The following CLSTN3 variants were observed in gnomAD, a reference collection of about 807,000 sequenced individuals.
The protein encoded by CLSTN3 is calsyntenin 3.
A neutral mutation model predicts 95.9 loss-of-function variants in CLSTN3; 36 were observed. The ratio of observed to expected loss-of-function variants is 0.38; its 90% CI spans 0.29 to 0.50. The LOEUF is 0.50. CLSTN3 is among the 20% of genes least tolerant of loss of function. The pLI is 0.95. For missense variants in CLSTN3, 1,084 were observed against 1,268.8 expected (o/e 0.85, Z 2.21); for synonymous variants, 481 against 504.0 (o/e 0.95, Z 0.61).
chr12:7,140,022 G>T (rs955640930), intron 8 of CLSTN3, among the ~76,000 whole-genome samples: 2 of 152,140 alleles, frequency 1.3e-5, no homozygotes, highest in Non-Finnish European at 2.9e-5. Flanking sequence ...CAGTAAACAG[G>T]ACTGTTGCAA....
Position 7,143,279 on chromosome 12 carries a change from C to A in CLSTN3, c.1815C>A (p.Gly605=), listed in dbSNP as rs61729870. Residue 605 remains glycine (G), a synonymous_variant, in exon 12 of 18, where the codon GGC becomes GGA. Transcript: ENST00000266546. ...YMNTLRFATP[G]VRPLRLTTAV... ...ACACTCTGCGCTTTGCCACGCCCGG[C>A]GTCAGGCCCCTGCGCCTCACCACTG... The A allele has an allele frequency of 1.2e-6, 2 of 1,611,828 alleles. No homozygotes were observed. Among genetic ancestry groups the A allele is most frequent in the Non-Finnish European group, 1.7e-6 (2 of 1,179,996 alleles).
chr12:7,136,306 G>A lies in CLSTN3; in HGVS notation c.843G>A (p.Gln281=). 1.2e-6 allele frequency: 2 copies of A among 1,614,178 alleles called. No homozygotes were observed. The highest frequency in any genetic ancestry group is 1.7e-6 in the Non-Finnish European group (2 of 1,180,036). ...ETCDEPLWNI[Q]ATIELQTSHV... ...GTGATGAACCACTCTGGAACATTCA[G>A]GCCACCATAGAGCTGCAGACCAGCC... Residue 281 remains glutamine, a synonymous_variant, in exon 6 of 18, where the codon CAG becomes CAA. Coordinates refer to ENST00000266546, the MANE Select transcript of CLSTN3 (RefSeq NM_014718.4).
At position 7,150,795 on chromosome 12, in the gene CLSTN3, A is replaced by AG; in HGVS notation, c.2391+109dup. 1 of 1,557,774 alleles carries AG rather than the reference A, an allele frequency of 6.4e-7. No homozygotes were observed. The highest frequency in any genetic ancestry group is 1.3e-5 in the African/African-American group (1 of 74,194). On this transcript the variant is annotated intron_variant, in intron 15 of 17. Coordinates refer to ENST00000266546, the MANE Select transcript of CLSTN3 (RefSeq NM_014718.4). The surrounding 1 kb of genome is among the most constrained non-coding windows in gnomAD (Gnocchi z 4.0). ...GGTGGGCATGGACATGGCAGCGTGGAGGGCTGCTGGACCTTGCAGTGGGTG... is the reference window on the plus strand; with the variant it reads ...GGTGGGCATGGACATGGCAGCGTGGAGGGGCTGCTGGACCTTGCAGTGGGTG...
chr12:7,140,194 G>T (rs1939502974), intron 8 of CLSTN3, among the ~76,000 whole-genome samples: 1 of 152,170 alleles, frequency 6.6e-6, no homozygotes, highest in Non-Finnish European at 1.5e-5. Context: ...GATCAAAGTT[G>T]TCTCCTACGT....
intron 4 of CLSTN3, 121 bp from the exon 5 acceptor site, chr12:7,135,683 C>CT (rs1215748377): frequency 3.6e-6 from 5 of 1,402,384 alleles, no homozygotes; most frequent in East Asian, 2.3e-5. Flanking sequence ...TCCCAGATGC[C>CT]TTTTTTCCCA....
intron 12 of CLSTN3, among the ~76,000 whole-genome samples, chr12:7,147,808 GC>G (rs1939647582): frequency 6.6e-6 from 1 of 152,030 alleles, no homozygotes; most frequent in Non-Finnish European, 1.5e-5. Flanking sequence ...GAGCCATCAT[GC>G]CCAGCCTGAG....
chr12:7,133,855 C>T lies in CLSTN3; in HGVS notation c.383+87C>T. On this transcript the variant is annotated intron_variant, in intron 3 of 17. Transcript: ENST00000266546. The surrounding 1 kb of genome is among the most constrained non-coding windows in gnomAD (Gnocchi z 4.7). ...CACCATCCTCTGTCCGTGCGGTCAT[C>T]GAATATCCACCCCCACCCGCTGCTG... 11 of 1,091,634 alleles carry T rather than the reference C, an allele frequency of 1.0e-5. No homozygotes were observed. Among genetic ancestry groups the T allele is most frequent in the Non-Finnish European group, 1.2e-5 (9 of 763,040 alleles). 67.6% of individuals were successfully genotyped at this position (1,091,634 alleles called of 1,614,324 possible). A position where few individuals can be genotyped will look rare whatever the true frequency, so the allele number is the denominator to read the frequency against.
Position 7,157,698 on chromosome 12 carries a change from G to A in CLSTN3, c.2730+7G>A, listed in dbSNP as rs1420423043. On this transcript the variant is annotated splice_region_variant and intron_variant, in intron 17 of 17. Transcript: ENST00000266546. This position sits in a 1 kb window ranked among gnomAD's most constrained non-coding sequence, Gnocchi z 5.9. ...CATTGTGAACCCCATGGAGGTGAGA[G>A]GCCTGGGGAAGCGGGGTTCTGTAGG... 2.6e-6 allele frequency: 4 copies of A among 1,568,428 alleles called. No homozygotes were observed. Among genetic ancestry groups the A allele is most frequent in the Non-Finnish European group, 2.6e-6 (3 of 1,155,764 alleles).
Position 7,158,507 on chromosome 12 carries a change from C to G in CLSTN3, c.*426C>G, listed in dbSNP as rs1465011958. The G allele has an allele frequency of 1.3e-5, 2 of 157,478 alleles. No homozygotes were observed. Among genetic ancestry groups the G allele is most frequent in the Non-Finnish European group, 2.8e-5 (2 of 71,536 alleles). The allele number at this position is 157,478 out of a possible 1,614,324, so 9.8% of individuals were successfully genotyped here. On this transcript the variant is annotated 3_prime_UTR_variant, in exon 18 of 18. Transcript: ENST00000266546. Reference sequence around the variant, plus strand: ...CTCTCCTGTCCATGGGAAGCTTTTCCCCCTCTGCAGGGCTCCCTCAGCTGG... The same window carrying G: ...CTCTCCTGTCCATGGGAAGCTTTTCGCCCTCTGCAGGGCTCCCTCAGCTGG...
Position 7,150,737 on chromosome 12 carries a change from G to A in CLSTN3, c.2391+48G>A. 1 of 1,599,140 alleles carries A rather than the reference G, an allele frequency of 6.3e-7. No individual in the cohort carries two copies. The highest frequency in any genetic ancestry group is 8.6e-7 in the Non-Finnish European group (1 of 1,168,162). On this transcript the variant is annotated intron_variant, in intron 15 of 17. Coordinates refer to ENST00000266546, the MANE Select transcript of CLSTN3 (RefSeq NM_014718.4). This position sits in a 1 kb window ranked among gnomAD's most constrained non-coding sequence, Gnocchi z 4.0. ...TCCACAGTTACCCACCCCCAGAAAG[G>A]AGCTGAGGTGGCATGGACTCAAAAT...
At chr12:7,134,338 G>T (rs139819569) in intron 3 of CLSTN3, among the ~76,000 whole-genome samples, 141 of 152,332 alleles carry the variant, frequency 9.3e-4, no homozygotes, top group African/African-American at 3.2e-3. Flanking sequence ...CAAGAAAGAG[G>T]CTCGGGTCTG....
In CLSTN3 at chr12:7,137,147, A is replaced by G. The variant is rs1174257322; in HGVS notation, c.1210+37A>G. 3 of 1,557,422 alleles carry G rather than the reference A, an allele frequency of 1.9e-6. No homozygotes were observed. The highest frequency in any genetic ancestry group is 2.7e-5 in the African/African-American group (2 of 73,978). ...CTCCAGGCACTAGCCAGAGGGGGAA[A>G]CTGGCTTCTTGTCCCGCCTCTGTCA... On this transcript the variant is annotated intron_variant, in intron 7 of 17. Transcript: ENST00000266546. This position sits in a 1 kb window ranked among gnomAD's most constrained non-coding sequence, Gnocchi z 4.4.
At chr12:7,139,769 T>G (rs1939497104) in intron 8 of CLSTN3, among the ~76,000 whole-genome samples, 1 of 152,044 alleles carries the variant, frequency 6.6e-6, no homozygotes, top group African/African-American at 2.4e-5. Flanking sequence ...CTGCCTCAGC[T>G]TCCCTAGTAG....
chr12:7,129,514 G>T, upstream of CLSTN3: 1 of 668,936 alleles, frequency 1.5e-6, no homozygotes, highest in Non-Finnish European at 1.8e-6. This position sits in a 1 kb window ranked among gnomAD's most constrained non-coding sequence, Gnocchi z 5.5. Context: ...GGAGTTTGTT[G>T]GCTATTCTGG....
intron 16 of CLSTN3, among the ~76,000 whole-genome samples, chr12:7,155,727 A>C (rs1315679539): frequency 1.3e-5 from 2 of 152,240 alleles, no homozygotes; most frequent in Non-Finnish European, 2.9e-5. Context: ...CCTTGGAACC[A>C]GTGTCGAGGG....
At position 7,130,632 on chromosome 12, in the gene CLSTN3, C is replaced by T. The variant is rs1939277962; in HGVS notation, c.-17C>T. 1 of 1,560,698 alleles carries T rather than the reference C, an allele frequency of 6.4e-7. No homozygotes were observed. The highest frequency in any genetic ancestry group is 8.7e-7 in the Non-Finnish European group (1 of 1,152,130). Reference sequence around the variant, plus strand: ...GGGGAGGCAAACGCCTGGCCCTGCCCTGCCCCACGCCGCACCATGACCCTC... The same window carrying T: ...GGGGAGGCAAACGCCTGGCCCTGCCTTGCCCCACGCCGCACCATGACCCTC... On this transcript the variant is annotated 5_prime_UTR_variant, in exon 1 of 18. Transcript: ENST00000266546.
chr12:7,133,794 C>G lies in CLSTN3; in HGVS notation c.383+26C>G, dbSNP rs1320660046. The G allele has an allele frequency of 2.6e-6, 4 of 1,533,366 alleles. No homozygotes were observed. 95.0% of individuals were successfully genotyped at this position (1,533,366 alleles called of 1,614,324 possible). A position where few individuals can be genotyped will look rare whatever the true frequency, so the allele number is the denominator to read the frequency against. On this transcript the variant is annotated intron_variant, in intron 3 of 17. Transcript: ENST00000266546. This position sits in a 1 kb window ranked among gnomAD's most constrained non-coding sequence, Gnocchi z 4.7. ...GTGAGGAAGTCCTTGTCTCCTGCCCCATGTGTTGCAGGGTCCTCCTCCCTG... is the reference window on the plus strand; with the variant it reads ...GTGAGGAAGTCCTTGTCTCCTGCCCGATGTGTTGCAGGGTCCTCCTCCCTG...
Position 7,141,403 on chromosome 12 carries a change from T to A in CLSTN3, c.1485T>A (p.Thr495=). The A allele has an allele frequency of 6.2e-7, 1 of 1,614,110 alleles. No individual in the cohort carries two copies. The highest frequency in any genetic ancestry group is 1.1e-5 in the South Asian group (1 of 91,086). Residue 495 remains threonine (T), a splice_region_variant and synonymous_variant, in exon 9 of 18, where the codon ACT becomes ACA. Transcript: ENST00000266546. This position sits in a 1 kb window ranked among gnomAD's most constrained non-coding sequence, Gnocchi z 4.1. ...CTCTCATGATTGGGGCCTGCTGGAC[T>A]GGTAAGCTTCTCAGTGAAGACTCCA... The part of the protein sequence containing the change: ...EPALMIGACW[T]EEKNKEKEKG...
intron 16 of CLSTN3, chr12:7,155,997 C>G (rs772791106): frequency 1.5e-4 from 53 of 346,434 alleles, no homozygotes; most frequent in African/African-American, 1.1e-3. Flanking sequence ...TCCCTACGCT[C>G]TGCTCTGTCT....
Sources: gnomAD v4.1 joint callset for allele counts (sites outside exome capture counted in the v4.1 genomes callset) on GRCh38, gnomAD v4.1.1 for gene constraint, Gnocchi (gnomAD v3.1) non-coding constraint, MANE v1.5 for transcripts, NCBI Gene and HGNC (gene_info 2026-07-23, HGNC 2026-07-21) for gene names.